PCDHA8: variants seen among roughly 807,000 people sequenced by gnomAD.
PCDHA8 encodes protocadherin alpha 8, also known as protocadherin alpha-8.
Under a neutral mutation model 61.8 loss-of-function variants are expected in PCDHA8, and 53 were observed. The observed-to-expected ratio is 0.86, with a 90% CI of 0.69 to 1.08. PCDHA8 has a LOEUF of 1.08. Ranked by LOEUF, PCDHA8 falls within the 50% of genes least tolerant of loss-of-function variation. The pLI is 0.00. For missense variants in PCDHA8, 1,293 were observed against 1,245.0 expected (o/e 1.04, Z -0.58); for synonymous variants, 618 against 556.6 (o/e 1.11, Z -1.55).
intron 3 of PCDHA8, among the ~76,000 whole-genome samples, chr5:140,991,619 A>G (rs1554252338): frequency 1.3e-5 from 2 of 152,206 alleles, no homozygotes; most frequent in African/African-American, 4.8e-5. Context: ...CTTTAATGCC[A>G]TATTTGTAAT....
At chr5:140,861,631 C>A (rs960525062) in intron 1 of PCDHA8, 2 of 314,942 alleles carry the variant, frequency 6.4e-6, no homozygotes, top group Non-Finnish European at 1.3e-5. Context: ...GTGTTCTCAG[C>A]AACACAAAAG....
At chr5:140,952,476 G>A (rs1231361903) in intron 1 of PCDHA8, among the ~76,000 whole-genome samples, 1 of 152,148 alleles carries the variant, frequency 6.6e-6, no homozygotes, top group East Asian at 1.9e-4. Context: ...TAAGGAAAGT[G>A]ACATTTGCTC....
chr5:140,894,603 C>G (rs782068626), intron 1 of PCDHA8, among the ~76,000 whole-genome samples: 1 of 151,756 alleles, frequency 6.6e-6, no homozygotes, highest in African/African-American at 2.4e-5. Context: ...TTTCTCATCT[C>G]TCTTTTCAAA....
rs2150322270 is a variant in PCDHA8 at position 140,841,755 on chromosome 5, C to A, written c.434C>A (p.Ser145Tyr). The A allele has an allele frequency of 1.2e-6, 2 of 1,613,886 alleles. No individual in the cohort carries two copies. Among genetic ancestry groups the A allele is most frequent in the South Asian group, 2.2e-5 (2 of 91,074 alleles). The change falls in exon 1 of 4, where the codon TCC (serine) becomes TAC (tyrosine). Residue 145 changes from serine to tyrosine, a missense_variant. Physicochemically the swap from Ser to Tyr is moderately radical, Grantham distance 144 (BLOSUM62 -2). Transcript: ENST00000531613. ...GACCAAAAGCTGTTTGTTTCAGAATCCAGAATGCCAGACTCTCGGTTTCCG... is the reference window on the plus strand; with the variant it reads ...GACCAAAAGCTGTTTGTTTCAGAATACAGAATGCCAGACTCTCGGTTTCCG... Reference protein sequence around the residue: ...VKDQKLFVSESRMPDSRFPLE... With the variant: ...VKDQKLFVSEYRMPDSRFPLE...
At chr5:140,927,581 C>T (rs1554204769) in intron 1 of PCDHA8, 1 of 1,614,150 alleles carries the variant, frequency 6.2e-7, no homozygotes, top group East Asian at 2.2e-5. Context: ...AATGACAACG[C>T]GCCTGTATTT....
chr5:140,928,146 A>G, intron 1 of PCDHA8: 1 of 1,614,222 alleles, frequency 6.2e-7, no homozygotes, highest in African/African-American at 1.3e-5. Flanking sequence ...TCACGGCCTC[A>G]GATAGTGGCT....
intron 1 of PCDHA8, among the ~76,000 whole-genome samples, chr5:140,890,446 T>C (rs1554184296): frequency 6.6e-6 from 1 of 152,228 alleles, no homozygotes; most frequent in Admixed American, 6.5e-5. Context: ...CCTAGTGATA[T>C]CTTTAGGCAC....
chr5:140,989,403 G>A (rs1327699534), intron 3 of PCDHA8, among the ~76,000 whole-genome samples: 4 of 152,182 alleles, frequency 2.6e-5, no homozygotes, highest in African/African-American at 9.7e-5. Context: ...GGAGGGTGGA[G>A]AGTCTGCACT....
chr5:140,886,076 A>C (rs1554182342), intron 1 of PCDHA8, among the ~76,000 whole-genome samples: 3 of 152,198 alleles, frequency 2.0e-5, no homozygotes, highest in African/African-American at 7.2e-5. Flanking sequence ...GGGCCATACC[A>C]CAACCTGGAT....
chr5:140,959,031 G>A (rs1554223798), intron 1 of PCDHA8, among the ~76,000 whole-genome samples: 1 of 151,806 alleles, frequency 6.6e-6, no homozygotes, highest in Non-Finnish European at 1.5e-5. Flanking sequence ...CTTTATCATG[G>A]GTATGTATGT....
chr5:140,936,615 G>T (rs1052104404), intron 1 of PCDHA8, among the ~76,000 whole-genome samples: 1 of 152,178 alleles, frequency 6.6e-6, no homozygotes, highest in Non-Finnish European at 1.5e-5. Context: ...CTGCTACTGT[G>T]CAGTGCTACC....
intron 1 of PCDHA8, chr5:140,863,957 G>A (rs2048253350): frequency 6.4e-6 from 1 of 157,074 alleles, no homozygotes; most frequent in Non-Finnish European, 1.4e-5. Flanking sequence ...GCCTAGATTA[G>A]GCCACTGCAC....
At chr5:140,966,569 G>A in intron 1 of PCDHA8, 1 of 500,346 alleles carries the variant, frequency 2.0e-6, no homozygotes, top group Non-Finnish European at 3.3e-6. Flanking sequence ...TGGAATATGG[G>A]GAGTCAGCGA....
chr5:140,851,018 A>G (rs1389465492), intron 1 of PCDHA8: 4 of 1,432,904 alleles, frequency 2.8e-6, no homozygotes, highest in South Asian at 1.7e-5. Context: ...TTTTTCTGAT[A>G]AAGTAAACCC....
chr5:141,009,929 G>T lies in PCDHA8; in HGVS notation c.2845G>T (p.Asp949Tyr). Residue 949 changes from aspartate to tyrosine, a missense_variant, in exon 4 of 4, where the codon GAC becomes TAC. Transcript: ENST00000531613. Reference protein sequence around the residue: ...EKGNSTTDNSDQ With the variant: ...EKGNSTTDNSYQ ...AGGGAACAGCACGACTGACAACAGT[G>T]ACCAGTGAGGTCCTCAAATGGAAAC... 1 of 1,603,730 alleles carries T rather than the reference G, an allele frequency of 6.2e-7. No homozygotes were observed. The highest frequency in any genetic ancestry group is 1.1e-5 in the South Asian group (1 of 89,000).
chr5:140,968,221 T>C, intron 1 of PCDHA8: 1 of 1,613,918 alleles, frequency 6.2e-7, no homozygotes, highest in Admixed American at 1.7e-5. Context: ...ATTTGCCAGG[T>C]GTGTTGCTCT....
intron 1 of PCDHA8, among the ~76,000 whole-genome samples, chr5:140,953,230 A>G (rs782703084): frequency 2.0e-5 from 3 of 152,180 alleles, no homozygotes; most frequent in Non-Finnish European, 4.4e-5. Context: ...TCTGCTTGGT[A>G]GCAGTTCAAA....
chr5:140,857,133 C>T, intron 1 of PCDHA8: 3 of 1,598,212 alleles, frequency 1.9e-6, no homozygotes, highest in South Asian at 1.1e-5. Flanking sequence ...AAAGAAGATG[C>T]TCAAGTGGGC....
chr5:140,849,597 G>T lies in PCDHA8; in HGVS notation c.2394+5882G>T, dbSNP rs2150442042. 77 of 1,598,656 alleles carry T rather than the reference G, an allele frequency of 4.8e-5. 9 individuals carry two copies. Among genetic ancestry groups the T allele is most frequent in the Admixed American group, 4.4e-4 (26 of 59,274 alleles). On this transcript the variant is annotated intron_variant, in intron 1 of 3. Transcript: ENST00000531613. ...AAAAGAGGACGCACAACTGGGGACA[G>T]TTATTGCCCTGATTAGTGTGATCGA...
Sources: allele counts gnomAD v4.1 joint callset (sites outside exome capture counted in the v4.1 genomes callset), GRCh38; gene constraint gnomAD v4.1.1; transcripts MANE v1.5; gene names NCBI Gene and HGNC (gene_info 2026-07-23, HGNC 2026-07-21).